ADCK1: variants seen among roughly 807,000 people sequenced by gnomAD.
The protein encoded by ADCK1 is aarF domain-containing protein kinase 1.
ADCK1 carries 41 observed loss-of-function variants against 52.3 expected under a neutral mutation model. That is an observed-to-expected ratio of 0.78 (90% CI 0.61 to 1.02). ADCK1 has a LOEUF of 1.02. ADCK1 is among the 50% of genes least tolerant of loss of function. The probability of loss-of-function intolerance (pLI) is 0.00; values close to 1 mark genes in which losing one functional copy is unlikely to be tolerated. For missense variants in ADCK1, 658 were observed against 679.5 expected, an observed-to-expected ratio of 0.97 and a Z score of 0.35; for synonymous variants, 250 against 274.6, an observed-to-expected ratio of 0.91 and a Z score of 0.89.
chr14:77,810,927 C>T (rs1307721097), intron 1 of ADCK1, among the ~76,000 whole-genome samples: 2 of 151,954 alleles, frequency 1.3e-5, no homozygotes, highest in Admixed American at 1.3e-4. Context: ...CTCTCATGAT[C>T]TTGACTGAAG....
At chr14:77,816,421 C>A (rs2081451609) in intron 1 of ADCK1, among the ~76,000 whole-genome samples, 1 of 89,198 alleles carries the variant, frequency 1.1e-5, no homozygotes, top group Non-Finnish European at 2.9e-5. Context: ...CCCCACCTTT[C>A]TGATTGTGGA....
chr14:77,853,632 C>G lies in ADCK1; in HGVS notation c.220-5444C>G, dbSNP rs536891391. 2.5e-4 allele frequency among the ~76,000 whole-genome samples: 38 copies of G among 152,230 alleles called. No homozygotes were observed. The South Asian group carries it at 7.7e-3, about 31-fold the overall frequency. On this transcript the variant is annotated intron_variant, in intron 3 of 10. Transcript: ENST00000238561. ...GGTGTTGCCACAAATGTCCCATGAA[C>G]TATGAGATTTTTTTCATCTTGGCTG... is the stretch of plus-strand genomic sequence containing the variant.
At chr14:77,894,064 G>C (rs1254130177) in intron 5 of ADCK1, among the ~76,000 whole-genome samples, 3 of 152,116 alleles carry the variant, frequency 2.0e-5, no homozygotes. Flanking sequence ...TGTGTTGTTT[G>C]AACAGTGGGT....
At chr14:77,931,477 CA>C (rs1408817074) in intron 9 of ADCK1, 40 bp from the exon 10 acceptor site, 1 of 1,593,412 alleles carries the variant, frequency 6.3e-7, no homozygotes. Context: ...CCCCACTGCC[CA>C]TACCAACCAT....
Position 77,880,500 on chromosome 14 carries a change from A to G in ADCK1, c.424-6591A>G, listed in dbSNP as rs572749361. ...AAGGTCGGCGTGTCCTTGAGCTGTT[A>G]TTGCCATTATTATTTTTATTATAAT... On this transcript the variant is annotated intron_variant, in intron 4 of 10. Coordinates refer to ENST00000238561, the MANE Select transcript of ADCK1 (RefSeq NM_020421.4). Among the ~76,000 whole-genome samples, 40 of 152,328 alleles carry G rather than the reference A, an allele frequency of 2.6e-4. No individual in the cohort carries two copies. In the South Asian group the frequency reaches 7.5e-3, roughly 28 times the overall value.
At chr14:77,894,836 T>A (rs2083375773) in intron 5 of ADCK1, among the ~76,000 whole-genome samples, 1 of 143,754 alleles carries the variant, frequency 7.0e-6, no homozygotes. Context: ...CACTGCAACC[T>A]CTGCCTCCTG....
chr14:77,815,225 A>T, intron 1 of ADCK1, among the ~76,000 whole-genome samples: 1 of 146,320 alleles, frequency 6.8e-6, no homozygotes, highest in Non-Finnish European at 1.5e-5. Context: ...TTTCTTTAAA[A>T]CAGGGTTTTA....
At chr14:77,801,457 CA>C (rs1332754331) in intron 1 of ADCK1, among the ~76,000 whole-genome samples, 2 of 152,168 alleles carry the variant, frequency 1.3e-5, no homozygotes, top group African/African-American at 4.8e-5. Context: ...AATTTATATA[CA>C]GATTTTAATG....
chr14:77,822,395 G>T (rs765299377), intron 2 of ADCK1, 40 bp from the exon 3 acceptor site: 1 of 1,524,202 alleles, frequency 6.6e-7, no homozygotes, highest in Non-Finnish European at 9.1e-7. Context: ...AGTACTTAAT[G>T]TCCAGGTGCT....
chr14:77,829,615 G>A (rs1409983367), intron 3 of ADCK1, among the ~76,000 whole-genome samples: 1 of 151,338 alleles, frequency 6.6e-6, no homozygotes, highest in Non-Finnish European at 1.5e-5. Flanking sequence ...ATGAAATGAT[G>A]CTTATATCTC....
intron 6 of ADCK1, among the ~76,000 whole-genome samples, chr14:77,902,024 G>A (rs763702771): frequency 3.9e-5 from 6 of 152,306 alleles, no homozygotes; most frequent in Non-Finnish European, 8.8e-5. Context: ...TGGGGAGGAT[G>A]GCTCAGAACA....
At chr14:77,882,970 G>A (rs1162295485) in intron 4 of ADCK1, among the ~76,000 whole-genome samples, 1 of 102,310 alleles carries the variant, frequency 9.8e-6, no homozygotes, top group South Asian at 2.9e-4. Context: ...CCCCCCCCGT[G>A]CTTTTTTGCT....
At chr14:77,921,644 T>G (rs1390402618) in intron 7 of ADCK1, among the ~76,000 whole-genome samples, 1 of 151,924 alleles carries the variant, frequency 6.6e-6, no homozygotes. Context: ...AAACAAACAT[T>G]AGGAACAGTC....
intron 1 of ADCK1, among the ~76,000 whole-genome samples, chr14:77,813,767 G>GTT (rs539507254): frequency 2.0e-5 from 3 of 146,608 alleles, no homozygotes. Context: ...TTGTTTTCCT[G>GTT]TTTTTTTTTT....
chr14:77,893,237 G>C (rs953169954), intron 5 of ADCK1, among the ~76,000 whole-genome samples: 4 of 152,178 alleles, frequency 2.6e-5, no homozygotes, highest in Non-Finnish European at 4.4e-5. Flanking sequence ...TCAGCAGGAG[G>C]GGGTGAACTG....
At chr14:77,842,441 A>ATTTT (rs35911154) in intron 3 of ADCK1, among the ~76,000 whole-genome samples, 24 of 78,336 alleles carry the variant, frequency 3.1e-4, no homozygotes, top group African/African-American at 5.9e-4. Context: ...CTTTCAGGGT[A>ATTTT]TTTTTTTTTC....
intron 4 of ADCK1, among the ~76,000 whole-genome samples, chr14:77,882,450 T>A (rs973459252): frequency 2.0e-5 from 3 of 152,242 alleles, no homozygotes; most frequent in Admixed American, 2.0e-4. Flanking sequence ...GTTTGTGAGA[T>A]GCATTATTGA....
At chr14:77,815,045 C>T (rs967003072) in intron 1 of ADCK1, among the ~76,000 whole-genome samples, 17 of 150,666 alleles carry the variant, frequency 1.1e-4, no homozygotes, top group African/African-American at 2.4e-4. Flanking sequence ...CGTGACACCA[C>T]GCCCAGCTAA....
At chr14:77,814,929 C>T (rs1349646488) in intron 1 of ADCK1, among the ~76,000 whole-genome samples, 2 of 150,972 alleles carry the variant, frequency 1.3e-5, no homozygotes, top group African/African-American at 4.9e-5. Flanking sequence ...CTCTGTCGCC[C>T]AGGCTGGAGT....
Sources: gnomAD v4.1 joint callset for allele counts (sites outside exome capture counted in the v4.1 genomes callset) on GRCh38, gnomAD v4.1.1 for gene constraint, MANE v1.5 for transcripts, NCBI Gene and HGNC (gene_info 2026-07-23, HGNC 2026-07-21) for gene names.